MCUB: variants seen among roughly 807,000 people sequenced by gnomAD.
MCUB encodes the protein calcium uniporter regulatory subunit MCUb, mitochondrial.
In MCUB, 46 loss-of-function variants were observed where a neutral mutation model predicts 41.4. The ratio of observed to expected loss-of-function variants is 1.11; its 90% CI spans 0.88 to 1.42. The LOEUF is 1.42. Among genes scored for constraint, MCUB ranks in the 40% most tolerant of loss-of-function variants. The pLI is 0.00. For synonymous variants in MCUB, 148 were observed against 148.2 expected (o/e 1.00, Z 0.01); for missense variants, 403 against 404.9 (o/e 1.00, Z 0.04).
At chr4:109,665,170 T>C (rs1264286013) in intron 4 of MCUB, among the ~76,000 whole-genome samples, 1 of 152,224 alleles carries the variant, frequency 6.6e-6, no homozygotes, top group Non-Finnish European at 1.5e-5. Flanking sequence ...ATTCTATAGA[T>C]TGTGACAAAT....
intron 1 of MCUB, among the ~76,000 whole-genome samples, chr4:109,578,594 G>A (rs1727089612): frequency 6.6e-6 from 1 of 151,918 alleles, no homozygotes; most frequent in African/African-American, 2.4e-5. Flanking sequence ...CAACCTCCTG[G>A]GCCCAAGCAG....
chr4:109,658,937 G>C, intron 1 of MCUB, 74 bp from the exon 2 acceptor site: 1 of 844,056 alleles, frequency 1.2e-6, no homozygotes, highest in Non-Finnish European at 2.0e-6. Flanking sequence ...AGAATCTTAT[G>C]GTAAAATAAA....
At chr4:109,639,647 G>A (rs1363572179) in intron 1 of MCUB, among the ~76,000 whole-genome samples, 5 of 152,046 alleles carry the variant, frequency 3.3e-5, no homozygotes, top group Admixed American at 6.6e-5. Context: ...AGATCATGCC[G>A]TTGCACTACA....
intron 1 of MCUB, among the ~76,000 whole-genome samples, chr4:109,624,239 T>A (rs898124211): frequency 2.6e-5 from 4 of 152,256 alleles, no homozygotes; most frequent in Non-Finnish European, 5.9e-5. Context: ...AGTTATGAGT[T>A]TGCTGCCAAA....
chr4:109,586,832 T>C (rs28793910), intron 1 of MCUB, among the ~76,000 whole-genome samples: 2,744 of 152,174 alleles, frequency 0.018, 61 homozygotes, highest in South Asian at 0.072. Flanking sequence ...CTGGAAGCTT[T>C]GCCCCAGAAG....
At chr4:109,678,938 G>A (rs1234846602) in intron 4 of MCUB, among the ~76,000 whole-genome samples, 3 of 145,182 alleles carry the variant, frequency 2.1e-5, no homozygotes, top group African/African-American at 8.1e-5. Context: ...ATCCCAGACA[G>A]GGTGGCCGGG....
chr4:109,633,431 C>G (rs1006959152), intron 1 of MCUB, among the ~76,000 whole-genome samples: 1 of 122,076 alleles, frequency 8.2e-6, no homozygotes, highest in African/African-American at 3.2e-5. Flanking sequence ...CCACGCCCAG[C>G]TAATTTTTTT....
At chr4:109,586,757 C>G (rs1033462207) in intron 1 of MCUB, among the ~76,000 whole-genome samples, 5 of 152,168 alleles carry the variant, frequency 3.3e-5, no homozygotes, top group African/African-American at 1.2e-4. Flanking sequence ...CACTCCAGAC[C>G]CTGTTTGCCT....
chr4:109,663,575 C>T (rs1729273928), intron 3 of MCUB, among the ~76,000 whole-genome samples: 2 of 152,046 alleles, frequency 1.3e-5, no homozygotes. Context: ...TTTGCCTCTT[C>T]ATTTTTTTCA....
intron 1 of MCUB, among the ~76,000 whole-genome samples, chr4:109,632,862 G>A (rs1345602659): frequency 1.3e-5 from 2 of 152,068 alleles, no homozygotes; most frequent in Non-Finnish European, 2.9e-5. Context: ...TGATCCGCCT[G>A]CCTCGGCCTC....
At chr4:109,636,557 G>A (rs185694407) in intron 1 of MCUB, among the ~76,000 whole-genome samples, 1 of 152,184 alleles carries the variant, frequency 6.6e-6, no homozygotes, top group Non-Finnish European at 1.5e-5. Context: ...ATGTTTGGCC[G>A]GGCACAGTGG....
chr4:109,613,103 C>G (rs1247393370), intron 1 of MCUB, among the ~76,000 whole-genome samples: 2 of 151,398 alleles, frequency 1.3e-5, no homozygotes, highest in Non-Finnish European at 2.9e-5. Context: ...CAGACTCCAT[C>G]TCAAAAAAGA....
chr4:109,666,305 G>A (rs780326643), intron 4 of MCUB, among the ~76,000 whole-genome samples: 1 of 152,172 alleles, frequency 6.6e-6, no homozygotes, highest in Non-Finnish European at 1.5e-5. Context: ...CAAATCATTT[G>A]GTTAAATACC....
chr4:109,687,554 T>C lies in MCUB; in HGVS notation c.973T>C (p.Leu325=), dbSNP rs749880413. 2.5e-6 allele frequency: 4 copies of C among 1,613,006 alleles called. No homozygotes were observed. The change falls in exon 8 of 8, where the codon TTG becomes CTG. Residue 325 remains leucine, a synonymous_variant. Coordinates refer to ENST00000394650, the MANE Select transcript of MCUB (RefSeq NM_017918.5). ...SLKQARHSLC[L]QMQVEELNEK... ...GAAACAGGCGCGTCATTCTCTCTGT[T>C]TGCAAATGCAAGTAGAAGAACTCAA...
At chr4:109,604,739 T>G (rs1280091876) in intron 1 of MCUB, among the ~76,000 whole-genome samples, 1 of 152,246 alleles carries the variant, frequency 6.6e-6, no homozygotes, top group Non-Finnish European at 1.5e-5. Context: ...TGTTGAATTT[T>G]ATCAAGTGCT....
At chr4:109,585,018 G>C (rs1342105793) in intron 1 of MCUB, among the ~76,000 whole-genome samples, 1 of 152,016 alleles carries the variant, frequency 6.6e-6, no homozygotes, top group East Asian at 1.9e-4. Flanking sequence ...TTAATATTCT[G>C]GCTTGTTGAT....
intron 1 of MCUB, among the ~76,000 whole-genome samples, chr4:109,627,176 C>T (rs1728378852): frequency 6.6e-6 from 1 of 152,010 alleles, no homozygotes; most frequent in African/African-American, 2.4e-5. Context: ...CAGAAATTTC[C>T]TCAATATACT....
intron 1 of MCUB, 144 bp from the exon 2 acceptor site, chr4:109,658,867 C>G: frequency 1.6e-6 from 1 of 628,718 alleles, no homozygotes; most frequent in Non-Finnish European, 2.8e-6. Context: ...TTGCCAAGGG[C>G]TCACCCTGGG....
At chr4:109,616,944 T>G (rs1728138663) in intron 1 of MCUB, among the ~76,000 whole-genome samples, 1 of 152,192 alleles carries the variant, frequency 6.6e-6, no homozygotes, top group South Asian at 2.1e-4. Context: ...GTTTTTAAAT[T>G]TATAACTGAA....
Sources: allele counts gnomAD v4.1 joint callset (sites outside exome capture counted in the v4.1 genomes callset), GRCh38; gene constraint gnomAD v4.1.1; transcripts MANE v1.5; gene names NCBI Gene and HGNC (gene_info 2026-07-23, HGNC 2026-07-21).